PRKCE: variants seen among roughly 807,000 people sequenced by gnomAD.
PRKCE encodes protein kinase C epsilon, also known as protein kinase C epsilon type.
In PRKCE, 16 loss-of-function variants were observed where a neutral mutation model predicts 85.4. That is an observed-to-expected ratio of 0.19 (90% CI 0.13 to 0.28). PRKCE has a LOEUF of 0.28. Among genes scored for constraint, PRKCE ranks in the 10% least tolerant of loss-of-function variants. The pLI, the probability that PRKCE is intolerant of heterozygous loss-of-function variation, is 1.00. For missense variants in PRKCE, 573 were observed against 975.2 expected (o/e 0.59, Z 5.49); for synonymous variants, 388 against 371.5 (o/e 1.04, Z -0.51).
chr2:45,737,229 G>T (rs1226043454), intron 1 of PRKCE, among the ~76,000 whole-genome samples: 1 of 152,146 alleles, frequency 6.6e-6, no homozygotes, highest in African/African-American at 2.4e-5. Context: ...GTGGGTGAGC[G>T]AGCGAGCAAG....
chr2:45,808,566 C>G (rs1375847818), intron 1 of PRKCE, among the ~76,000 whole-genome samples: 1 of 152,180 alleles, frequency 6.6e-6, no homozygotes, highest in East Asian at 1.9e-4. Flanking sequence ...TGGTGCCAGC[C>G]CTTCCCATTG....
rs71394860 is a variant in PRKCE at position 45,869,706 on chromosome 2, C to CTTTTT, written c.412+26658_412+26662dup. 3.6e-3 allele frequency among the ~76,000 whole-genome samples: 398 copies of CTTTTT among 109,224 alleles called. 1 individual carries two copies. The highest frequency in any genetic ancestry group is 0.015 in the East Asian group (45 of 3,078). The allele number at this position is 109,224 out of a possible 152,430, so 71.7% of individuals were successfully genotyped here. ...TGTTTTTGTTTTTGTTTCTCTCTCTCTTTTTTTTTTTTTTTTTTTGAGTTG... is the reference window on the plus strand; with the variant it reads ...TGTTTTTGTTTTTGTTTCTCTCTCTCTTTTTTTTTTTTTTTTTTTTTTTTGAGTTG... On this transcript the variant is annotated intron_variant, in intron 2 of 14. Transcript: ENST00000306156.
At chr2:45,744,403 CTTTCT>C (rs1553397535) in intron 1 of PRKCE, among the ~76,000 whole-genome samples, 1 of 150,642 alleles carries the variant, frequency 6.6e-6, no homozygotes, top group Non-Finnish European at 1.5e-5. Context: ...GTCTTTCTCT[CTTTCT>C]TTTCTTTTCT....
intron 12 of PRKCE, among the ~76,000 whole-genome samples, chr2:46,146,596 G>C (rs1676092599): frequency 6.6e-6 from 1 of 152,158 alleles, no homozygotes; most frequent in Admixed American, 6.5e-5. Context: ...GGGTGGGGAG[G>C]GTATTCCTGA....
chr2:45,959,031 G>A (rs545943070), intron 2 of PRKCE, among the ~76,000 whole-genome samples: 1 of 151,288 alleles, frequency 6.6e-6, no homozygotes, highest in Admixed American at 6.6e-5. Flanking sequence ...TCAACCTGAA[G>A]TTCTGGTTAA....
At chr2:45,951,205 C>G (rs1371838766) in intron 2 of PRKCE, among the ~76,000 whole-genome samples, 2 of 152,310 alleles carry the variant, frequency 1.3e-5, no homozygotes, top group Admixed American at 1.3e-4. Context: ...GGGAGTGGCT[C>G]TGGAGTTTAT....
Position 46,151,061 on chromosome 2 carries a change from T to C in PRKCE, c.1752T>C (p.Tyr584=), listed in dbSNP as rs1287183104. Residue 584 remains tyrosine (Y), a synonymous_variant, in exon 13 of 15, where the codon TAT becomes TAC. Transcript: ENST00000306156. The part of the protein sequence containing the change: ...IAPEILQELE[Y]GPSVDWWALG... Reference sequence around the variant, plus strand: ...AACAGATCCTGCAGGAGTTGGAGTATGGCCCCTCCGTGGACTGGTGGGCCC... The same window carrying C: ...AACAGATCCTGCAGGAGTTGGAGTACGGCCCCTCCGTGGACTGGTGGGCCC... 2.5e-6 allele frequency: 4 copies of C among 1,599,288 alleles called. No individual in the cohort carries two copies. The highest frequency in any genetic ancestry group is 3.4e-6 in the Non-Finnish European group (4 of 1,179,728).
At chr2:46,106,204 T>C (rs1212092751) in intron 11 of PRKCE, among the ~76,000 whole-genome samples, 3 of 152,226 alleles carry the variant, frequency 2.0e-5, no homozygotes, top group Admixed American at 1.3e-4. Flanking sequence ...CAATTGTATA[T>C]GTAACCATCT....
Position 45,693,154 on chromosome 2 carries a change from G to A in PRKCE, c.348+40706G>A, listed in dbSNP as rs139952352. On this transcript the variant is annotated intron_variant, in intron 1 of 14. Coordinates refer to ENST00000306156, the MANE Select transcript of PRKCE (RefSeq NM_005400.3). ...AGGTGGGAGGTGGCAATGGATGGGT[G>A]GGTGGGAGAAGGTCAGAGGCGACCC... 1.3e-3 allele frequency among the ~76,000 whole-genome samples: 195 copies of A among 152,254 alleles called. 1 individual carries two copies. In the South Asian group the frequency reaches 0.014, roughly 11 times the overall value.
At chr2:45,838,100 C>T (rs1691039805) in intron 1 of PRKCE, among the ~76,000 whole-genome samples, 1 of 152,200 alleles carries the variant, frequency 6.6e-6, no homozygotes, top group African/African-American at 2.4e-5. Context: ...GCCCAGACCT[C>T]CCCTCAGAGC....
chr2:45,872,685 A>G (rs113941869), intron 2 of PRKCE, among the ~76,000 whole-genome samples: 2 of 152,108 alleles, frequency 1.3e-5, no homozygotes, highest in African/African-American at 4.8e-5. Flanking sequence ...GGAGATAGAG[A>G]AGTCAAGGAT....
intron 1 of PRKCE, among the ~76,000 whole-genome samples, chr2:45,802,473 A>G (rs1436939241): frequency 2.6e-5 from 4 of 152,146 alleles, no homozygotes; most frequent in Non-Finnish European, 5.9e-5. Flanking sequence ...ACTGTAATTG[A>G]TGTGAATGTG....
intron 11 of PRKCE, among the ~76,000 whole-genome samples, chr2:46,110,234 C>G (rs981042268): frequency 1.3e-5 from 2 of 152,124 alleles, no homozygotes; most frequent in Admixed American, 1.3e-4. Context: ...CATTTTGCTT[C>G]TATATTCTGG....
At chr2:46,012,716 G>T (rs1363068511) in intron 10 of PRKCE, among the ~76,000 whole-genome samples, 1 of 152,260 alleles carries the variant, frequency 6.6e-6, no homozygotes, top group African/African-American at 2.4e-5. Flanking sequence ...CACGTTGAAG[G>T]TCAGCTTGGT....
intron 11 of PRKCE, among the ~76,000 whole-genome samples, chr2:46,123,848 C>G (rs1443184337): frequency 6.6e-6 from 1 of 152,118 alleles, no homozygotes; most frequent in Non-Finnish European, 1.5e-5. Context: ...GGATTTGTAC[C>G]ATTCCAACTG....
chr2:45,984,091 C>T (rs1703119282), intron 5 of PRKCE, among the ~76,000 whole-genome samples: 1 of 152,010 alleles, frequency 6.6e-6, no homozygotes, highest in Non-Finnish European at 1.5e-5. Context: ...GCTCGCACCA[C>T]CATGCCCGGC....
intron 1 of PRKCE, among the ~76,000 whole-genome samples, chr2:45,798,397 G>T (rs933660680): frequency 6.6e-6 from 1 of 152,152 alleles, no homozygotes; most frequent in Non-Finnish European, 1.5e-5. Flanking sequence ...AAAACACGTT[G>T]CCTCCTCCTT....
chr2:45,853,831 G>A (rs964175576), intron 2 of PRKCE, among the ~76,000 whole-genome samples: 17 of 152,066 alleles, frequency 1.1e-4, no homozygotes, highest in Admixed American at 4.6e-4. Context: ...TTACTGTATC[G>A]GATACTTACT....
At chr2:46,064,573 TCTGA>T in intron 10 of PRKCE, among the ~76,000 whole-genome samples, 1 of 152,144 alleles carries the variant, frequency 6.6e-6, no homozygotes, top group East Asian at 1.9e-4. Flanking sequence ...AGAAGCAGAG[TCTGA>T]CTGAATATTA....
Sources: allele counts gnomAD v4.1 joint callset (sites outside exome capture counted in the v4.1 genomes callset), GRCh38; gene constraint gnomAD v4.1.1; transcripts MANE v1.5; gene names NCBI Gene and HGNC (gene_info 2026-07-23, HGNC 2026-07-21).